NLGN1: variants seen among roughly 807,000 people sequenced by gnomAD.
The protein encoded by NLGN1 is neuroligin 1, also known as neuroligin-1.
Under a neutral mutation model 65.5 loss-of-function variants are expected in NLGN1, and 12 were observed. The ratio of observed to expected loss-of-function variants is 0.18; its 90% CI spans 0.12 to 0.30. NLGN1 has a LOEUF of 0.30. Ranked by LOEUF, NLGN1 falls within the 10% of genes least tolerant of loss-of-function variation. NLGN1 has a pLI of 1.00. For missense variants in NLGN1, 750 were observed against 1,007.1 expected, an observed-to-expected ratio of 0.74 and a Z score of 3.46; for synonymous variants, 350 against 359.5, an observed-to-expected ratio of 0.97 and a Z score of 0.30.
In NLGN1 at chr3:173,793,666, A is replaced by G. The variant is rs994272955; in HGVS notation, c.494-14014A>G. Among the ~76,000 whole-genome samples, 6 of 152,158 alleles carry G rather than the reference A, an allele frequency of 3.9e-5. 1 individual carries two copies. Among genetic ancestry groups the G allele is most frequent in the Non-Finnish European group, 8.8e-5 (6 of 68,020 alleles). On this transcript the variant is annotated intron_variant, in intron 3 of 6. Transcript: ENST00000457714. ...GTCTTGAATTTTACTTTTTGGTGACATTAATTTTACTTGCAAACACAAATG... is the reference window on the plus strand; with the variant it reads ...GTCTTGAATTTTACTTTTTGGTGACGTTAATTTTACTTGCAAACACAAATG...
intron 2 of NLGN1, among the ~76,000 whole-genome samples, chr3:173,586,817 G>T (rs563968113): frequency 6.6e-6 from 1 of 152,280 alleles, no homozygotes; most frequent in South Asian, 2.1e-4. Flanking sequence ...CGTGGTTCAC[G>T]TGCAGACTGA....
intron 4 of NLGN1, among the ~76,000 whole-genome samples, chr3:173,992,689 G>T (rs1017437052): frequency 6.6e-6 from 1 of 152,108 alleles, no homozygotes. Flanking sequence ...AGGCACTCTA[G>T]GGTATGTAAT....
intron 4 of NLGN1, among the ~76,000 whole-genome samples, chr3:173,897,359 A>G (rs1579057610): frequency 1.3e-5 from 2 of 152,228 alleles, no homozygotes; most frequent in South Asian, 2.1e-4. Flanking sequence ...AAAATTTGGT[A>G]TCTTCCCTTG....
At chr3:173,635,199 C>T (rs1411379874) in intron 3 of NLGN1, among the ~76,000 whole-genome samples, 1 of 152,112 alleles carries the variant, frequency 6.6e-6, no homozygotes, top group African/African-American at 2.4e-5. Context: ...TACACATCAT[C>T]TACTCCCTAC....
chr3:173,871,735 A>G (rs1384132994), intron 4 of NLGN1, among the ~76,000 whole-genome samples: 1 of 152,096 alleles, frequency 6.6e-6, no homozygotes. Context: ...GAGCCTGCAT[A>G]TTCCTGTTTC....
At chr3:174,023,003 G>GA (rs998090744) in intron 4 of NLGN1, among the ~76,000 whole-genome samples, 1 of 152,104 alleles carries the variant, frequency 6.6e-6, no homozygotes, top group Non-Finnish European at 1.5e-5. Flanking sequence ...TACTTAAACA[G>GA]AAAAAATACC....
chr3:173,626,065 C>T (rs1411546846), intron 3 of NLGN1, among the ~76,000 whole-genome samples: 1 of 151,942 alleles, frequency 6.6e-6, no homozygotes, highest in Non-Finnish European at 1.5e-5. Context: ...TAGTGCTATC[C>T]AATAGAGCTT....
intron 4 of NLGN1, among the ~76,000 whole-genome samples, chr3:174,004,389 G>A (rs1194555397): frequency 1.3e-5 from 2 of 151,748 alleles, no homozygotes; most frequent in Admixed American, 1.3e-4. Flanking sequence ...GTTAGTATTT[G>A]TCAAGATAAT....
chr3:174,030,002 A>G (rs548530592), intron 4 of NLGN1, among the ~76,000 whole-genome samples: 3 of 152,320 alleles, frequency 2.0e-5, no homozygotes, highest in African/African-American at 7.2e-5. Flanking sequence ...ACAGATTAAT[A>G]CAATAGCTCA....
At chr3:173,794,251 C>T (rs1162522470) in intron 3 of NLGN1, among the ~76,000 whole-genome samples, 1 of 152,128 alleles carries the variant, frequency 6.6e-6, no homozygotes, top group Non-Finnish European at 1.5e-5. Context: ...TGACACTTAT[C>T]ACAATTTATA....
At chr3:173,710,457 T>C (rs1286759823) in intron 3 of NLGN1, among the ~76,000 whole-genome samples, 1 of 152,168 alleles carries the variant, frequency 6.6e-6, no homozygotes, top group Non-Finnish European at 1.5e-5. Context: ...CTAAAATAAG[T>C]TTTAAATGCA....
chr3:173,949,415 T>TA (rs377596923), intron 4 of NLGN1, among the ~76,000 whole-genome samples: 90 of 152,282 alleles, frequency 5.9e-4, no homozygotes, highest in African/African-American at 2.0e-3. Flanking sequence ...TGTATCTTCT[T>TA]ACGTGATTTG....
At chr3:173,862,427 A>G (rs1354872173) in intron 4 of NLGN1, among the ~76,000 whole-genome samples, 31 of 141,450 alleles carry the variant, frequency 2.2e-4, no homozygotes, top group Admixed American at 3.7e-4. Flanking sequence ...AATGGCGTGA[A>G]CCCGGGAGAC....
rs546506140 is a variant in NLGN1 at position 173,446,081 on chromosome 3, A to G, written c.-321+11003A>G. On this transcript the variant is annotated intron_variant, in intron 2 of 6. Transcript: ENST00000457714. ...TTTTCTTTTTTTTTTTACTATTATT[A>G]TACTTTAAGTTTTAGGGTACATGTG... Among the ~76,000 whole-genome samples the G allele has an allele frequency of 4.2e-5, 6 of 143,336 alleles. No homozygotes were observed. The South Asian group carries it at 6.7e-4, about 16-fold the overall frequency. 94.0% of individuals were successfully genotyped at this position (143,336 alleles called of 152,430 possible). A position where few individuals can be genotyped will look rare whatever the true frequency, so the allele number is the denominator to read the frequency against.
At chr3:173,624,879 TA>T (rs1754588357) in intron 3 of NLGN1, among the ~76,000 whole-genome samples, 1 of 138,348 alleles carries the variant, frequency 7.2e-6, no homozygotes, top group Non-Finnish European at 1.5e-5. Context: ...TCTTTATTTA[TA>T]TTTTTTTTCT....
chr3:173,669,329 A>G (rs1308699085), intron 3 of NLGN1, among the ~76,000 whole-genome samples: 2 of 152,234 alleles, frequency 1.3e-5, no homozygotes, highest in African/African-American at 4.8e-5. Flanking sequence ...GAACAACAGA[A>G]AATTTTGTCC....
At chr3:173,589,838 A>T (rs1453371877) in intron 2 of NLGN1, among the ~76,000 whole-genome samples, 1 of 152,142 alleles carries the variant, frequency 6.6e-6, no homozygotes, top group African/African-American at 2.4e-5. Context: ...AGAAGAAAAG[A>T]GGTTACTTGT....
intron 4 of NLGN1, among the ~76,000 whole-genome samples, chr3:174,106,581 T>C (rs1339446157): frequency 6.6e-6 from 1 of 152,110 alleles, no homozygotes; most frequent in Non-Finnish European, 1.5e-5. Context: ...TATGCAATTG[T>C]AAGAAAAGGC....
intron 4 of NLGN1, among the ~76,000 whole-genome samples, chr3:173,932,625 C>T (rs1744310464): frequency 6.6e-6 from 1 of 152,102 alleles, no homozygotes; most frequent in African/African-American, 2.4e-5. Context: ...ACAGCACCTA[C>T]AGTGACTGAG....
Sources: gnomAD v4.1 joint callset for allele counts (sites outside exome capture counted in the v4.1 genomes callset) on GRCh38, gnomAD v4.1.1 for gene constraint, MANE v1.5 for transcripts, NCBI Gene and HGNC (gene_info 2026-07-23, HGNC 2026-07-21) for gene names.